BCAS3: variants seen among roughly 807,000 people sequenced by gnomAD.
The protein encoded by BCAS3 is BCAS3 microtubule associated cell migration factor.
BCAS3 carries 53 observed loss-of-function variants against 116.1 expected under a neutral mutation model. That is an observed-to-expected ratio of 0.46 (90% confidence interval 0.37 to 0.57). BCAS3 has a LOEUF of 0.57. BCAS3 is among the 20% of genes least tolerant of loss of function. The probability of loss-of-function intolerance (pLI) is 0.00; values close to 1 mark genes in which losing one functional copy is unlikely to be tolerated. For missense variants in BCAS3, 917 were observed against 1,165.4 expected (o/e 0.79, Z 3.10); for synonymous variants, 391 against 408.2 (o/e 0.96, Z 0.51).
Position 61,391,993 on chromosome 17 carries a change from A to C in BCAS3, c.2610A>C (p.Gly870=). 6.2e-7 allele frequency: 1 copy of C among 1,613,676 alleles called. No individual in the cohort carries two copies. Among genetic ancestry groups the C allele is most frequent in the South Asian group, 1.1e-5 (1 of 91,068 alleles). Residue 870 remains glycine (G), a synonymous_variant, in exon 24 of 24, where the codon GGA becomes GGC. Transcript: ENST00000407086. This position sits in a 1 kb window ranked among gnomAD's most constrained non-coding sequence, Gnocchi z 7.7. ...GTCTTGCAGAACTTCAGCGAGAGGGAAGCATCGAGACTCTGAGTAACAGCT... is the reference window on the plus strand; with the variant it reads ...GTCTTGCAGAACTTCAGCGAGAGGGCAGCATCGAGACTCTGAGTAACAGCT... ...VGSGTELQRE[G]SIETLSNSSG... is the part of the protein sequence containing the mutation.
intron 6 of BCAS3, among the ~76,000 whole-genome samples, chr17:60,784,182 A>G: frequency 6.6e-6 from 1 of 152,054 alleles, no homozygotes; most frequent in Non-Finnish European, 1.5e-5. Context: ...CAGCATTTAT[A>G]CTTTGGGAAT....
chr17:60,767,365 G>C (rs1568205214), intron 6 of BCAS3, among the ~76,000 whole-genome samples: 1 of 107,622 alleles, frequency 9.3e-6, no homozygotes, highest in Non-Finnish European at 1.8e-5. Flanking sequence ...TTTTTTTTGA[G>C]TTGGAGTCTT....
chr17:61,192,246 C>CAAAAA (rs60456812), intron 22 of BCAS3, among the ~76,000 whole-genome samples: 2 of 70,678 alleles, frequency 2.8e-5, no homozygotes, highest in African/African-American at 4.5e-5. Context: ...GCTCTGTTAC[C>CAAAAA]AAAAAAAAAA....
chr17:60,915,305 T>G (rs1344066934), intron 12 of BCAS3, among the ~76,000 whole-genome samples: 1 of 152,196 alleles, frequency 6.6e-6, no homozygotes, highest in Admixed American at 6.5e-5. Context: ...CTCTGTTAAC[T>G]AGGCTACAGG....
chr17:60,747,085 T>G, intron 5 of BCAS3, 113 bp from the exon 6 acceptor site: 1 of 665,942 alleles, frequency 1.5e-6, no homozygotes. Context: ...TGGGTGTATG[T>G]ATATATATTT....
Position 61,378,080 on chromosome 17 carries a change from A to C in BCAS3, c.2593+9586A>C, listed in dbSNP as rs2059418363. On this transcript the variant is annotated intron_variant, in intron 23 of 23. Transcript: ENST00000407086. The surrounding 1 kb of genome is among the most constrained non-coding windows in gnomAD (Gnocchi z 5.8). ...CTGCTCAGAAAGTGTCCAGGCCTGC[A>C]CATTGCACCCAGGCTCCTTGCCATC... The C allele has an allele frequency of 6.6e-6, 1 of 152,240 alleles. No individual in the cohort carries two copies. Among genetic ancestry groups the C allele is most frequent in the Non-Finnish European group, 1.5e-5 (1 of 68,098 alleles). 9.4% of individuals were successfully genotyped at this position (152,240 alleles called of 1,614,324 possible). A position where few individuals can be genotyped will look rare whatever the true frequency, so the allele number is the denominator to read the frequency against.
rs556575464 is a variant in BCAS3, at chr17:61,387,172, C to T, written c.2594-4805C>T. Among the ~76,000 whole-genome samples, 5 of 152,214 alleles carry T rather than the reference C, an allele frequency of 3.3e-5. No homozygotes were observed. Among genetic ancestry groups the T allele is most frequent in the African/African-American group, 4.8e-5 (2 of 41,454 alleles). On this transcript the variant is annotated intron_variant, in intron 23 of 23. Coordinates refer to ENST00000407086, the MANE Select transcript of BCAS3 (RefSeq NM_017679.5). The surrounding 1 kb of genome is among the most constrained non-coding windows in gnomAD (Gnocchi z 6.2). ...TGTGCCCTCCGCATTTCACCCCTCCCGGGGAGTCTGCTGCCCGTCAACTCA... is the reference window on the plus strand; with the variant it reads ...TGTGCCCTCCGCATTTCACCCCTCCTGGGGAGTCTGCTGCCCGTCAACTCA...
intron 19 of BCAS3, among the ~76,000 whole-genome samples, chr17:61,061,954 A>G (rs2070095507): frequency 6.6e-6 from 1 of 152,228 alleles, no homozygotes; most frequent in Non-Finnish European, 1.5e-5. Context: ...TAAGCAAGTT[A>G]GAAGTAGCAC....
chr17:60,824,799 G>C (rs1355168187), intron 7 of BCAS3, among the ~76,000 whole-genome samples: 1 of 152,140 alleles, frequency 6.6e-6, no homozygotes, highest in East Asian at 1.9e-4. Flanking sequence ...TGTTTCCCTT[G>C]CCGATGTGTT....
Position 61,236,616 on chromosome 17 carries a change from G to A in BCAS3, c.2426-131711G>A, listed in dbSNP as rs563532775. 1.0e-3 allele frequency among the ~76,000 whole-genome samples: 152 copies of A among 152,256 alleles called. 4 individuals carry two copies. The South Asian group carries it at 0.024, about 24-fold the overall frequency. On this transcript the variant is annotated intron_variant, in intron 22 of 23. Transcript: ENST00000407086. ...ATTACAGGCGTGAGCCACCGCATCC[G>A]GCCACTGTAACCTTTATTAAGTGTT...
In BCAS3 at chr17:61,086,912, T is replaced by C. The variant is rs1005186030; in HGVS notation, c.2425+2348T>C. On this transcript the variant is annotated intron_variant, in intron 22 of 23. Transcript: ENST00000407086. ...TAACGCATTTTTTGAGTGAATAATG[T>C]TTTGTCGTGGAATGTCCATCTACTT... 5.1e-6 allele frequency: 5 copies of C among 985,426 alleles called. No homozygotes were observed. The African/African-American group carries it at 8.7e-5, about 17-fold the overall frequency. The allele number at this position is 985,426 out of a possible 1,614,324, so 61.0% of individuals were successfully genotyped here.
Position 61,333,681 on chromosome 17 carries a change from T to C in BCAS3, c.2426-34646T>C, listed in dbSNP as rs1357443739. ...TGTCGCCTAGGCTGGAGTGCAGTGG[T>C]GCGATCTCGGCTCACTGCAACCTCT... is the stretch of plus-strand genomic sequence containing the variant. On this transcript the variant is annotated intron_variant, in intron 22 of 23. Coordinates refer to ENST00000407086, the MANE Select transcript of BCAS3 (RefSeq NM_017679.5). This position sits in a 1 kb window ranked among gnomAD's most constrained non-coding sequence, Gnocchi z 4.8. 6.6e-6 allele frequency among the ~76,000 whole-genome samples: 1 copy of C among 150,566 alleles called. No individual in the cohort carries two copies. Among genetic ancestry groups the C allele is most frequent in the Non-Finnish European group, 1.5e-5 (1 of 67,770 alleles).
intron 22 of BCAS3, among the ~76,000 whole-genome samples, chr17:61,153,185 T>A (rs1038575615): frequency 8.5e-5 from 13 of 152,222 alleles, no homozygotes; most frequent in Admixed American, 2.6e-4. Flanking sequence ...TCACCTTTTA[T>A]GAGAGTGTTT....
At chr17:60,904,265 A>G (rs2058072403) in intron 11 of BCAS3, among the ~76,000 whole-genome samples, 1 of 152,070 alleles carries the variant, frequency 6.6e-6, no homozygotes, top group Non-Finnish European at 1.5e-5. Context: ...TTAGCTGGGC[A>G]TGGTGGCGGG....
intron 22 of BCAS3, among the ~76,000 whole-genome samples, chr17:61,345,281 T>G (rs2057440572): frequency 6.6e-6 from 1 of 152,288 alleles, no homozygotes. Context: ...GGCTGGGCGA[T>G]TCTTTGGGGG....
In BCAS3 at chr17:61,211,026, C is replaced by G. The variant is rs2081427530; in HGVS notation, c.2425+126462C>G. Reference sequence around the variant, plus strand: ...GCCAAAGGCTTCCCTAAGCTAGGGTCCCATAGTCTTCCCCAAGCTAGGGTC... The same window carrying G: ...GCCAAAGGCTTCCCTAAGCTAGGGTGCCATAGTCTTCCCCAAGCTAGGGTC... On this transcript the variant is annotated intron_variant, in intron 22 of 23. Coordinates refer to ENST00000407086, the MANE Select transcript of BCAS3 (RefSeq NM_017679.5). The surrounding 1 kb of genome is among the most constrained non-coding windows in gnomAD (Gnocchi z 4.4). 6.6e-6 allele frequency among the ~76,000 whole-genome samples: 1 copy of G among 151,904 alleles called. No individual in the cohort carries two copies. Among genetic ancestry groups the G allele is most frequent in the African/African-American group, 2.4e-5 (1 of 41,326 alleles).
intron 6 of BCAS3, among the ~76,000 whole-genome samples, chr17:60,777,641 A>G (rs1413904437): frequency 6.6e-6 from 1 of 152,094 alleles, no homozygotes; most frequent in Non-Finnish European, 1.5e-5. Flanking sequence ...AGAAAAGGAA[A>G]AAAAGAAACT....
chr17:60,932,602 C>T (rs897990075), intron 13 of BCAS3, among the ~76,000 whole-genome samples: 2 of 151,726 alleles, frequency 1.3e-5, no homozygotes, highest in East Asian at 1.9e-4. Context: ...ATTAGCCAGG[C>T]GTGGTGGCGG....
intron 22 of BCAS3, among the ~76,000 whole-genome samples, chr17:61,147,994 A>AAG (rs758339047): frequency 9.9e-5 from 15 of 151,920 alleles, no homozygotes; most frequent in Non-Finnish European, 1.9e-4. Flanking sequence ...CTCAGAAAAA[A>AAG]AAAGAAAGAA....
Sources: gnomAD v4.1 joint callset for allele counts (sites outside exome capture counted in the v4.1 genomes callset) on GRCh38, gnomAD v4.1.1 for gene constraint, Gnocchi (gnomAD v3.1) non-coding constraint, MANE v1.5 for transcripts, NCBI Gene and HGNC (gene_info 2026-07-23, HGNC 2026-07-21) for gene names.